The following TPD52 variants were observed in gnomAD, a reference collection of about 807,000 sequenced individuals.
TPD52 encodes tumor protein D52, also known as prostate and colon associated protein.
In TPD52, 17 loss-of-function variants were observed where a neutral mutation model predicts 31.3. The observed-to-expected ratio is 0.54, with a 90% CI of 0.37 to 0.82. The LOEUF is 0.82. TPD52 is among the 40% of genes least tolerant of loss of function. The probability of loss-of-function intolerance (pLI) is 0.00; values close to 1 mark genes in which losing one functional copy is unlikely to be tolerated. For missense variants in TPD52, 212 were observed against 240.1 expected, an observed-to-expected ratio of 0.88 and a Z score of 0.77; for synonymous variants, 83 against 89.6, an observed-to-expected ratio of 0.93 and a Z score of 0.42.
chr8:80,070,917 C>T (rs992858399), intron 1 of TPD52, among the ~76,000 whole-genome samples: 1 of 152,172 alleles, frequency 6.6e-6, no homozygotes, highest in African/African-American at 2.4e-5. Flanking sequence ...TGAGGTCACA[C>T]TGGATTAGTG....
At chr8:80,090,253 G>A (rs1816156690) in intron 1 of TPD52, among the ~76,000 whole-genome samples, 1 of 152,104 alleles carries the variant, frequency 6.6e-6, no homozygotes, top group Non-Finnish European at 1.5e-5. Context: ...ATAAAAATTA[G>A]CCAGGCACAG....
intron 2 of TPD52, among the ~76,000 whole-genome samples, chr8:80,061,512 C>A (rs890472507): frequency 6.6e-6 from 1 of 151,798 alleles, no homozygotes; most frequent in African/African-American, 2.4e-5. Flanking sequence ...CAAGACCCCA[C>A]CTCTACTGAA....
chr8:80,136,598 A>ACTG (rs928050550), intron 1 of TPD52, among the ~76,000 whole-genome samples: 20 of 151,316 alleles, frequency 1.3e-4, no homozygotes, highest in Non-Finnish European at 2.2e-4. Context: ...TTGGTCTCAT[A>ACTG]CTGTTCTACT....
chr8:80,117,364 A>T (rs551459633), intron 1 of TPD52, among the ~76,000 whole-genome samples: 1 of 152,334 alleles, frequency 6.6e-6, no homozygotes, highest in Non-Finnish European at 1.5e-5. Context: ...AATAACCTAA[A>T]ATTGAAATTA....
intron 1 of TPD52, among the ~76,000 whole-genome samples, chr8:80,159,881 C>A (rs932352954): frequency 2.6e-5 from 4 of 152,162 alleles, no homozygotes; most frequent in African/African-American, 9.7e-5. Flanking sequence ...ATGTTCCTAG[C>A]CCTATAAACT....
chr8:80,118,472 C>T (rs1191926142), intron 1 of TPD52, among the ~76,000 whole-genome samples: 1 of 152,146 alleles, frequency 6.6e-6, no homozygotes, highest in Admixed American at 6.5e-5. Flanking sequence ...TCAAGCACAC[C>T]GTCAACGAAG....
intron 5 of TPD52, among the ~76,000 whole-genome samples, chr8:80,045,704 G>C (rs1228798097): frequency 6.6e-6 from 1 of 152,196 alleles, no homozygotes; most frequent in Admixed American, 6.5e-5. Flanking sequence ...TTCAATAATA[G>C]AAGCTACTTC....
At chr8:80,139,434 G>A (rs1809668434) in intron 1 of TPD52, among the ~76,000 whole-genome samples, 1 of 152,058 alleles carries the variant, frequency 6.6e-6, no homozygotes. Flanking sequence ...TTTTTTCAGA[G>A]TTTCAGACTT....
chr8:80,038,085 G>A lies in TPD52; in HGVS notation c.*31C>T. 1 of 1,610,486 alleles carries A rather than the reference G, an allele frequency of 6.2e-7. No homozygotes were observed. Among genetic ancestry groups the A allele is most frequent in the African/African-American group, 1.3e-5 (1 of 74,970 alleles). ...TGCTTGGACCTCGCTTGCAGCATCT[G>A]GCAGTGGGTAGCAGAACAAAGGTAG... On this transcript the variant is annotated 3_prime_UTR_variant, in exon 8 of 8. Transcript: ENST00000518937.
intron 1 of TPD52, among the ~76,000 whole-genome samples, chr8:80,138,811 A>G (rs1020639775): frequency 1.3e-5 from 2 of 152,070 alleles, no homozygotes; most frequent in Non-Finnish European, 2.9e-5. Flanking sequence ...TCCCCACCTT[A>G]GGCTCATCCT....
At chr8:80,034,164 C>G (rs534661785), downstream of TPD52, among the ~76,000 whole-genome samples, 1 of 152,304 alleles carries the variant, frequency 6.6e-6, no homozygotes, top group Admixed American at 6.5e-5. Flanking sequence ...TGAGGATGCA[C>G]ACACCTGGCC....
intron 1 of TPD52, among the ~76,000 whole-genome samples, chr8:80,132,916 T>C (rs1304202633): frequency 6.6e-6 from 1 of 152,172 alleles, no homozygotes; most frequent in Non-Finnish European, 1.5e-5. Flanking sequence ...TTAGTTACCC[T>C]CAGTAATTAA....
intron 1 of TPD52, among the ~76,000 whole-genome samples, chr8:80,119,570 T>C (rs1808106994): frequency 6.6e-6 from 1 of 152,184 alleles, no homozygotes; most frequent in Non-Finnish European, 1.5e-5. Flanking sequence ...GTAGTTTACT[T>C]TGGGAAGGGA....
At chr8:80,159,115 G>GT (rs1457607015) in intron 1 of TPD52, among the ~76,000 whole-genome samples, 2 of 152,130 alleles carry the variant, frequency 1.3e-5, no homozygotes, top group African/African-American at 4.8e-5. Context: ...TTTTACAGAA[G>GT]TATCTAATAT....
intron 1 of TPD52, among the ~76,000 whole-genome samples, chr8:80,126,465 G>T (rs1165089622): frequency 2.1e-5 from 3 of 145,502 alleles, no homozygotes; most frequent in African/African-American, 2.5e-5. Flanking sequence ...TGCTTTTGAA[G>T]ATAAAAGTTT....
chr8:80,125,110 T>C (rs1245560585), intron 1 of TPD52, among the ~76,000 whole-genome samples: 1 of 151,332 alleles, frequency 6.6e-6, no homozygotes, highest in Non-Finnish European at 1.5e-5. Context: ...ATGGGAAGAG[T>C]GGAGATTCAA....
chr8:80,169,200 C>T lies in TPD52; in HGVS notation c.19+2225G>A, dbSNP rs531597599. ...GGGTTCCACCTTGTTGGACAGGGGT[C>T]AAACTCCTGGCCTCAAGTGATCTGC... On this transcript the variant is annotated intron_variant, in intron 1 of 7. Transcript: ENST00000518937. Among the ~76,000 whole-genome samples, 6 of 152,164 alleles carry T rather than the reference C, an allele frequency of 3.9e-5. No individual in the cohort carries two copies. The South Asian group carries it at 1.2e-3, about 32-fold the overall frequency.
chr8:80,121,616 A>G (rs1334082098), intron 1 of TPD52, among the ~76,000 whole-genome samples: 3 of 152,126 alleles, frequency 2.0e-5, no homozygotes, highest in Admixed American at 6.5e-5. Context: ...TAATATAATT[A>G]CCTCCCACTA....
chr8:80,160,128 C>T (rs947780545), intron 1 of TPD52, among the ~76,000 whole-genome samples: 4 of 151,900 alleles, frequency 2.6e-5, no homozygotes, highest in Admixed American at 6.6e-5. Context: ...AAGGTCAGGG[C>T]TGCAGTGAGC....
Sources: allele counts gnomAD v4.1 joint callset (sites outside exome capture counted in the v4.1 genomes callset), GRCh38; gene constraint gnomAD v4.1.1; transcripts MANE v1.5; gene names NCBI Gene and HGNC (gene_info 2026-07-23, HGNC 2026-07-21).